NF1: variants seen among roughly 807,000 people sequenced by gnomAD.
NF1 encodes neurofibromin 1, also known as neurofibromin.
NF1 carries 122 observed loss-of-function variants against 325.7 expected under a neutral mutation model. The observed-to-expected ratio is 0.37, with a 90% CI of 0.32 to 0.44. NF1 has a LOEUF of 0.44. NF1 is among the 20% of genes least tolerant of loss of function. NF1 has a pLI of 1.00. For synonymous variants in NF1, 1,091 were observed against 1,186.0 expected (o/e 0.92, Z 1.65); for missense variants, 2,140 against 3,415.4 (o/e 0.63, Z 9.31).
At chr17:31,373,710 A>G (rs2151600711) in intron 57 of NF1, among the ~76,000 whole-genome samples, 1 of 152,336 alleles carries the variant, frequency 6.6e-6, no homozygotes, top group South Asian at 2.1e-4. Flanking sequence ...TTTTTACTGT[A>G]CCTTTTCTGT....
chr17:31,173,063 C>T (rs1387941792), intron 5 of NF1, among the ~76,000 whole-genome samples: 4 of 152,116 alleles, frequency 2.6e-5, no homozygotes, highest in South Asian at 2.1e-4. Context: ...GGGCGGATCA[C>T]TGAGGTTAGG....
rs200022550 is a variant in NF1 at position 31,336,866 on chromosome 17, A to G, written c.6379A>G (p.Ile2127Val). Residue 2127 changes from isoleucine to valine, a missense_variant, in exon 42 of 58, where the codon ATT (isoleucine) becomes GTT (valine). By Grantham distance (29) the Ile-to-Val change is conservative. Transcript: ENST00000358273. This position sits in a 1 kb window ranked among gnomAD's most constrained non-coding sequence, Gnocchi z 5.5. ...SLRASTHGLV[I>V]NIIHSLCTCS... ...TAGAGCTTCCACACATGGACTGGTC[A>G]TTAATATCATTCACTCTCTGTGTAC... 1.7e-4 allele frequency: 267 copies of G among 1,613,328 alleles called. 3 individuals are homozygous for G. Among genetic ancestry groups the G allele is most frequent in the Admixed American group, 1.7e-5 (1 of 60,004 alleles).
intron 40 of NF1, among the ~76,000 whole-genome samples, chr17:31,335,903 G>C (rs1242735651): frequency 6.8e-6 from 1 of 146,332 alleles, no homozygotes; most frequent in African/African-American, 2.5e-5. Flanking sequence ...TGTTGCCCAG[G>C]CTGGTCTTGA....
intron 46 of NF1, 143 bp from the exon 47 acceptor site, chr17:31,340,362 C>G: frequency 9.8e-7 from 1 of 1,018,204 alleles, no homozygotes; most frequent in Non-Finnish European, 1.5e-6. Flanking sequence ...AAGTGAAGAG[C>G]TTACTCATAT....
intron 2 of NF1, 65 bp downstream of exon 2, chr17:31,156,191 G>C (rs2143628913): frequency 6.4e-7 from 1 of 1,564,592 alleles, no homozygotes; most frequent in Non-Finnish European, 8.8e-7. Context: ...AAAAAGTTTA[G>C]AACAGCATAT....
chr17:31,202,704 G>A (rs1485418369), intron 11 of NF1, among the ~76,000 whole-genome samples: 1 of 152,128 alleles, frequency 6.6e-6, no homozygotes, highest in African/African-American at 2.4e-5. Flanking sequence ...GAGTATCACT[G>A]AGTTAAATTG....
rs115052288 is a variant in NF1, at chr17:31,174,130, C to T, written c.586+4133C>T. Reference sequence around the variant, plus strand: ...GCCGAGGGACCATTGCCAGTAAAATCGCTTATAGACAGGTCATTTTTTCCA... The same window carrying T: ...GCCGAGGGACCATTGCCAGTAAAATTGCTTATAGACAGGTCATTTTTTCCA... On this transcript the variant is annotated intron_variant, in intron 5 of 57. Coordinates refer to ENST00000358273, the MANE Select transcript of NF1 (RefSeq NM_001042492.3). Among the ~76,000 whole-genome samples the T allele has an allele frequency of 9.5e-3, 1,444 of 152,220 alleles. 24 individuals are homozygous for T. Among genetic ancestry groups the T allele is most frequent in the African/African-American group, 0.033 (1,360 of 41,528 alleles).
chr17:31,374,999 C>A lies in NF1; in HGVS notation c.*844C>A, dbSNP rs1038723817. The A allele has an allele frequency of 5.0e-6, 1 of 200,012 alleles. No homozygotes were observed. Among genetic ancestry groups the A allele is most frequent in the Non-Finnish European group, 9.9e-6 (1 of 101,106 alleles). The allele number at this position is 200,012 out of a possible 1,614,324, so 12.4% of individuals were successfully genotyped here. A position where few individuals can be genotyped will look rare whatever the true frequency, so the allele number is the denominator to read the frequency against. ...TTGTTTTTTGTAAACCAAAACTATA[C>A]TAAGTATAGTAATTATATATATATA... On this transcript the variant is annotated 3_prime_UTR_variant, in exon 58 of 58. Coordinates refer to ENST00000358273, the MANE Select transcript of NF1 (RefSeq NM_001042492.3).
intron 36 of NF1, among the ~76,000 whole-genome samples, chr17:31,307,029 A>ATTTTT (rs886478261): frequency 3.4e-5 from 5 of 147,472 alleles, no homozygotes; most frequent in Admixed American, 1.4e-4. Flanking sequence ...AATTACAATA[A>ATTTTT]TTTTTTTTTT....
At chr17:31,246,150 G>T (rs1282184518) in intron 29 of NF1, among the ~76,000 whole-genome samples, 1 of 152,116 alleles carries the variant, frequency 6.6e-6, no homozygotes, top group Non-Finnish European at 1.5e-5. Flanking sequence ...TTTTTGAAAA[G>T]GTCAAAAGGC....
intron 12 of NF1, among the ~76,000 whole-genome samples, chr17:31,208,606 C>G (rs908283579): frequency 7.9e-5 from 12 of 151,960 alleles, no homozygotes; most frequent in African/African-American, 2.9e-4. Context: ...ATGAAGAACT[C>G]AACACCGGAC....
chr17:31,111,648 T>G (rs1913425583), intron 1 of NF1, among the ~76,000 whole-genome samples: 1 of 152,184 alleles, frequency 6.6e-6, no homozygotes, highest in Non-Finnish European at 1.5e-5. Flanking sequence ...AATTCTACCT[T>G]CAGCAGAAAT....
rs761889172 is a variant in NF1, at chr17:31,336,386, A to G, written c.6060A>G (p.Thr2020=). 11 of 1,614,024 alleles carry G rather than the reference A, an allele frequency of 6.8e-6. No individual in the cohort carries two copies. The highest frequency in any genetic ancestry group is 8.5e-6 in the Non-Finnish European group (10 of 1,179,996). The change falls in exon 41 of 58, where the codon ACA becomes ACG. Residue 2020 remains threonine, a synonymous_variant. Coordinates refer to ENST00000358273, the MANE Select transcript of NF1 (RefSeq NM_001042492.3). The surrounding 1 kb of genome is among the most constrained non-coding windows in gnomAD (Gnocchi z 5.5). The part of the protein sequence containing the change: ...VLDSFIKTSA[T]GGLGSIKAEV... ...ACAGTTTCATCAAAACCAGTGCAACAGGTGGCTTGGGATCAATAAAAGCTG... is the reference window on the plus strand; with the variant it reads ...ACAGTTTCATCAAAACCAGTGCAACGGGTGGCTTGGGATCAATAAAAGCTG...
intron 47 of NF1, 96 bp downstream of exon 47, chr17:31,340,741 T>A (rs2069798563): frequency 5.5e-6 from 7 of 1,266,254 alleles, no homozygotes; most frequent in Non-Finnish European, 6.8e-6. Context: ...AAGAAGTCCA[T>A]AACTTAAGTA....
chr17:31,237,458 G>A (rs958980521), intron 29 of NF1, among the ~76,000 whole-genome samples: 17 of 151,824 alleles, frequency 1.1e-4, no homozygotes. Flanking sequence ...TTGTATTTTG[G>A]TAGAGACGAG....
chr17:31,259,188 A>G (rs2151463360), intron 33 of NF1, 59 bp downstream of exon 33: 3 of 1,218,832 alleles, frequency 2.5e-6, no homozygotes, highest in Non-Finnish European at 3.6e-6. Flanking sequence ...TCGGTTTCAC[A>G]TAAATCCATG....
chr17:31,170,354 A>G (rs2065910252), intron 5 of NF1, among the ~76,000 whole-genome samples: 1 of 152,220 alleles, frequency 6.6e-6, no homozygotes, highest in African/African-American at 2.4e-5. Flanking sequence ...AGCACTTTAC[A>G]AAGATTGTCT....
At chr17:31,304,685 T>G in intron 36 of NF1, 1 of 1,614,176 alleles carries the variant, frequency 6.2e-7, no homozygotes, top group Non-Finnish European at 8.5e-7. Context: ...TGATCTTTTA[T>G]TTTCTCTGTT....
At position 31,327,375 on chromosome 17, in the gene NF1, G is replaced by A. The variant is rs559025231; in HGVS notation, c.5269-124G>A. On this transcript the variant is annotated intron_variant, in intron 37 of 57. Transcript: ENST00000358273. The stretch of plus-strand genomic sequence containing the variant: ...TTACTGAACCATTTGAATATACAAT[G>A]GTGGGAACTCTTCCTTAAATGGCAT... The A allele has an allele frequency of 2.9e-5, 21 of 718,034 alleles. No individual in the cohort carries two copies. In the African/African-American group the frequency reaches 3.7e-4, roughly 13 times the overall value. The allele number at this position is 718,034 out of a possible 1,614,324, so 44.5% of individuals were successfully genotyped here. A position where few individuals can be genotyped will look rare whatever the true frequency, so the allele number is the denominator to read the frequency against.
Sources: allele counts gnomAD v4.1 joint callset (sites outside exome capture counted in the v4.1 genomes callset), GRCh38; gene constraint gnomAD v4.1.1; non-coding constraint Gnocchi (gnomAD v3.1); transcripts MANE v1.5; gene names NCBI Gene and HGNC (gene_info 2026-07-23, HGNC 2026-07-21).